The following TENT5C variants were observed in gnomAD, a reference collection of about 807,000 sequenced individuals.
TENT5C encodes terminal nucleotidyltransferase 5C.
A neutral mutation model predicts 22.2 loss-of-function variants in TENT5C; 5 were observed. That is an observed-to-expected ratio of 0.22 (90% CI 0.12 to 0.47). The LOEUF (loss-of-function observed/expected upper bound fraction) is 0.47. Ranked by LOEUF, TENT5C falls within the 20% of genes least tolerant of loss-of-function variation. The pLI, the probability that TENT5C is intolerant of heterozygous loss-of-function variation, is 0.99. For synonymous variants in TENT5C, 199 were observed against 195.4 expected, an observed-to-expected ratio of 1.02 and a Z score of -0.15; for missense variants, 364 against 500.9, an observed-to-expected ratio of 0.73 and a Z score of 2.61.
At chr1:117,611,184 C>T (rs375592038) in intron 1 of TENT5C, among the ~76,000 whole-genome samples, 3 of 152,338 alleles carry the variant, frequency 2.0e-5, no homozygotes, top group East Asian at 1.9e-4. Context: ...CAGTTTCAAT[C>T]GTCATTCCTG....
At position 117,628,253 on chromosome 1, in the gene TENT5C, T is replaced by G. The variant is rs778932719; in HGVS notation, c.*4209T>G. On this transcript the variant is annotated 3_prime_UTR_variant, in exon 2 of 2. Transcript: ENST00000369448. Reference sequence around the variant, plus strand: ...GCCTAGGAGGTCTGGGGATTCCTCTTTCGTGGTGGTCACTAACCTTACTTG... The same window carrying G: ...GCCTAGGAGGTCTGGGGATTCCTCTGTCGTGGTGGTCACTAACCTTACTTG... 3 of 247,348 alleles carry G rather than the reference T, an allele frequency of 1.2e-5. No individual in the cohort carries two copies. The highest frequency in any genetic ancestry group is 2.2e-5 in the African/African-American group (1 of 45,328). 15.3% of individuals were successfully genotyped at this position (247,348 alleles called of 1,614,324 possible).
intron 1 of TENT5C, among the ~76,000 whole-genome samples, chr1:117,615,453 A>G (rs890222458): frequency 6.6e-6 from 1 of 152,230 alleles, no homozygotes; most frequent in Non-Finnish European, 1.5e-5. Context: ...ATGGGTTGTT[A>G]TAGAAATCAA....
At chr1:117,621,520 C>T (rs918133674) in intron 1 of TENT5C, among the ~76,000 whole-genome samples, 2 of 152,144 alleles carry the variant, frequency 1.3e-5, no homozygotes, top group Non-Finnish European at 2.9e-5. Flanking sequence ...CCCTGACAAC[C>T]AAGTAACAAC....
chr1:117,621,200 G>A (rs1653888215), intron 1 of TENT5C, among the ~76,000 whole-genome samples: 1 of 152,052 alleles, frequency 6.6e-6, no homozygotes, highest in Non-Finnish European at 1.5e-5. Flanking sequence ...GAGCAATAGA[G>A]CGCTCATCCC....
rs1358461933 is a variant in TENT5C at position 117,623,187 on chromosome 1, C to G, written c.319C>G (p.Leu107Val). 6.2e-7 allele frequency: 1 copy of G among 1,614,060 alleles called. No homozygotes were observed. Among genetic ancestry groups the G allele is most frequent in the Non-Finnish European group, 8.5e-7 (1 of 1,180,044 alleles). The change falls in exon 2 of 2, where the codon CTG (leucine) becomes GTG (valine). Residue 107 changes from leucine to valine, a missense_variant. Around this residue, in one of 3 missense-constraint regions of TENT5C, gnomAD observed 303 missense variants for 394.5 expected, o/e 0.77. Transcript: ENST00000369448. ...VALPTEAEFQ[L>V]VRDVVLCSLL... The stretch of plus-strand genomic sequence containing the variant: ...TCTTCCAACAGAGGCAGAATTTCAG[C>G]TGGTTAGAGATGTGGTTCTGTGTTC...
intron 1 of TENT5C, among the ~76,000 whole-genome samples, chr1:117,614,983 A>G (rs999808391): frequency 6.6e-6 from 1 of 152,180 alleles, no homozygotes; most frequent in African/African-American, 2.4e-5. Flanking sequence ...TTGTTCCTTT[A>G]AAACAAACAG....
In TENT5C at chr1:117,625,050, A is replaced by G; in HGVS notation, c.*1006A>G. The G allele has an allele frequency of 4.0e-6, 1 of 247,758 alleles. No homozygotes were observed. Among genetic ancestry groups the G allele is most frequent in the Non-Finnish European group, 8.5e-6 (1 of 118,062 alleles). 15.3% of individuals were successfully genotyped at this position (247,758 alleles called of 1,614,324 possible). ...AACCCACTTTGGTCACATTCCAAGT[A>G]TGACACAGCTGTTCTTCTGGAGTAC... On this transcript the variant is annotated 3_prime_UTR_variant, in exon 2 of 2. Transcript: ENST00000369448.
In TENT5C at chr1:117,623,361, G is replaced by A. The variant is rs746707589; in HGVS notation, c.493G>A (p.Val165Met). The A allele has an allele frequency of 5.6e-6, 9 of 1,614,042 alleles. No homozygotes were observed. The highest frequency in any genetic ancestry group is 4.5e-5 in the East Asian group (2 of 44,882). ...CCTCTCCAACAAGAACGGGAAGAAC[G>A]TGGAGCTGAAGTTTGTCGACTCCAT... is the stretch of plus-strand genomic sequence containing the variant. ...ISLSNKNGKN[V>M]ELKFVDSIRR... The change falls in exon 2 of 2, where the codon GTG becomes ATG. Residue 165 changes from valine (V) to methionine (M), a missense_variant. Val to Met is a conservative substitution (Grantham distance 21). Transcript: ENST00000369448.
intron 1 of TENT5C, among the ~76,000 whole-genome samples, chr1:117,618,241 C>G (rs1337622653): frequency 6.6e-6 from 1 of 152,062 alleles, no homozygotes; most frequent in Admixed American, 6.5e-5. Flanking sequence ...AAAGTTTTTG[C>G]AGCTGTAGCC....
In TENT5C at chr1:117,626,044, C is replaced by T; in HGVS notation, c.*2000C>T. The T allele has an allele frequency of 4.0e-6, 1 of 248,040 alleles. No individual in the cohort carries two copies. The highest frequency in any genetic ancestry group is 8.5e-6 in the Non-Finnish European group (1 of 118,052). 15.4% of individuals were successfully genotyped at this position (248,040 alleles called of 1,614,324 possible). A position where few individuals can be genotyped will look rare whatever the true frequency, so the allele number is the denominator to read the frequency against. ...ATCCCAACTTTGGAAACTATCTGGT[C>T]ATTCATGACCTTAAAAAGCTGCCAT... On this transcript the variant is annotated 3_prime_UTR_variant, in exon 2 of 2. Transcript: ENST00000369448.
intron 1 of TENT5C, among the ~76,000 whole-genome samples, chr1:117,621,738 C>T (rs1290667934): frequency 1.3e-5 from 2 of 152,190 alleles, no homozygotes; most frequent in African/African-American, 4.8e-5. Context: ...AGCGCCTTGA[C>T]ACTTTGTTCT....
At chr1:117,614,448 A>C (rs1159010731) in intron 1 of TENT5C, among the ~76,000 whole-genome samples, 2 of 152,190 alleles carry the variant, frequency 1.3e-5, no homozygotes, top group Admixed American at 1.3e-4. Flanking sequence ...GACGGTGTCC[A>C]GTCTCAGGTT....
chr1:117,606,915 C>T (rs1653550427), intron 1 of TENT5C, among the ~76,000 whole-genome samples: 1 of 152,182 alleles, frequency 6.6e-6, no homozygotes, highest in Non-Finnish European at 1.5e-5. Flanking sequence ...AAACCTGCTT[C>T]CTCTCCTTTT....
At chr1:117,607,652 CA>C (rs1225688186) in intron 1 of TENT5C, among the ~76,000 whole-genome samples, 2 of 152,108 alleles carry the variant, frequency 1.3e-5, no homozygotes, top group Non-Finnish European at 2.9e-5. Flanking sequence ...AGTAAATTGG[CA>C]AGGAAATGAG....
At position 117,608,912 on chromosome 1, in the gene TENT5C, G is replaced by A. The variant is rs370403904; in HGVS notation, c.-28+2759G>A. Among the ~76,000 whole-genome samples, 65 of 152,216 alleles carry A rather than the reference G, an allele frequency of 4.3e-4. No individual in the cohort carries two copies. The East Asian group carries it at 8.7e-3, about 20-fold the overall frequency. Reference sequence around the variant, plus strand: ...TTTTGTGTGCATGTGTGTGTGTTTAGGAGTTAAGGAGTAATGTGGAATGTG... The same window carrying A: ...TTTTGTGTGCATGTGTGTGTGTTTAAGAGTTAAGGAGTAATGTGGAATGTG... On this transcript the variant is annotated intron_variant, in intron 1 of 1. Transcript: ENST00000369448.
chr1:117,610,737 C>CA (rs1480240078), intron 1 of TENT5C, among the ~76,000 whole-genome samples: 5 of 152,190 alleles, frequency 3.3e-5, no homozygotes, highest in Non-Finnish European at 7.3e-5. Context: ...CCATGTTGGC[C>CA]ATGATGGTCT....
rs367848325 is a variant in TENT5C, at chr1:117,622,865, G to A, written c.-4G>A. 33 of 1,604,624 alleles carry A rather than the reference G, an allele frequency of 2.1e-5. No individual in the cohort carries two copies. The African/African-American group carries it at 3.6e-4, about 18-fold the overall frequency. On this transcript the variant is annotated 5_prime_UTR_variant, in exon 2 of 2. Coordinates refer to ENST00000369448, the MANE Select transcript of TENT5C (RefSeq NM_017709.4). ...AGTTTCCCCAGCCAGAACATCCCCTGAAGATGGCAGAGGAGAGCAGCTGTA... is the reference window on the plus strand; with the variant it reads ...AGTTTCCCCAGCCAGAACATCCCCTAAAGATGGCAGAGGAGAGCAGCTGTA...
chr1:117,624,051 G>C lies in TENT5C; in HGVS notation c.*7G>C. 1 of 1,604,870 alleles carries C rather than the reference G, an allele frequency of 6.2e-7. No homozygotes were observed. Among genetic ancestry groups the C allele is most frequent in the Non-Finnish European group, 8.5e-7 (1 of 1,174,632 alleles). On this transcript the variant is annotated 3_prime_UTR_variant, in exon 2 of 2. Coordinates refer to ENST00000369448, the MANE Select transcript of TENT5C (RefSeq NM_017709.4). ...CTGGCTGCCCTGTAACTAACCTTGA[G>C]ACCTGAGGGTTTCCACAGTGGGAAC... is the stretch of plus-strand genomic sequence containing the variant.
At chr1:117,611,529 C>T (rs1178939528) in intron 1 of TENT5C, among the ~76,000 whole-genome samples, 1 of 152,116 alleles carries the variant, frequency 6.6e-6, no homozygotes, top group Non-Finnish European at 1.5e-5. Context: ...TCCTAGTAGT[C>T]CCATTAAAGA....
Sources: allele counts gnomAD v4.1 joint callset (sites outside exome capture counted in the v4.1 genomes callset), GRCh38; gene constraint gnomAD v4.1.1; regional missense constraint gnomAD v4.1.1; transcripts MANE v1.5; gene names NCBI Gene and HGNC (gene_info 2026-07-23, HGNC 2026-07-21).